SLC24A2: variants seen among roughly 807,000 people sequenced by gnomAD.
SLC24A2 encodes the protein sodium/potassium/calcium exchanger 2.
SLC24A2 carries 36 observed loss-of-function variants against 62.0 expected under a neutral mutation model. The observed-to-expected ratio is 0.58, with a 90% CI of 0.44 to 0.77. SLC24A2 has a LOEUF of 0.77. SLC24A2 is among the 30% of genes least tolerant of loss of function. The pLI is 0.00. For missense variants in SLC24A2, 846 were observed against 817.9 expected (o/e 1.03, Z -0.42); for synonymous variants, 358 against 294.0 (o/e 1.22, Z -2.23).
chr9:19,942,860 T>C, the SLC24A2 span, among the ~76,000 whole-genome samples: 1 of 152,294 alleles, frequency 6.6e-6, no homozygotes, highest in Non-Finnish European at 1.5e-5. Context: ...CAGGCGCCGA[T>C]GAGCCAACAA....
At chr9:20,178,591 G>T in the SLC24A2 span, among the ~76,000 whole-genome samples, 1 of 151,988 alleles carries the variant, frequency 6.6e-6, no homozygotes, top group Non-Finnish European at 1.5e-5. Flanking sequence ...CTTTTCTGCT[G>T]CCATCCTTTG....
the SLC24A2 span, among the ~76,000 whole-genome samples, chr9:20,265,289 A>T: frequency 6.6e-6 from 1 of 152,224 alleles, no homozygotes; most frequent in Non-Finnish European, 1.5e-5. Flanking sequence ...GTTGACTGTC[A>T]TAAAAGGGAG....
At chr9:19,867,152 GC>G in the SLC24A2 span, among the ~76,000 whole-genome samples, 2 of 152,006 alleles carry the variant, frequency 1.3e-5, no homozygotes, top group African/African-American at 4.8e-5. Context: ...TGCATTGCAT[GC>G]CTGTATCAAA....
the SLC24A2 span, among the ~76,000 whole-genome samples, chr9:20,161,941 A>G: frequency 2.6e-5 from 4 of 151,782 alleles, no homozygotes; most frequent in Non-Finnish European, 4.4e-5. Context: ...ATGCGATTAC[A>G]TACAACAAAA....
the SLC24A2 span, among the ~76,000 whole-genome samples, chr9:19,807,992 T>C: frequency 1.3e-5 from 2 of 152,230 alleles, no homozygotes; most frequent in African/African-American, 4.8e-5. Flanking sequence ...AGAAGACTTA[T>C]AGAGCAAATT....
At chr9:20,279,873 TG>T in the SLC24A2 span, among the ~76,000 whole-genome samples, 1 of 152,326 alleles carries the variant, frequency 6.6e-6, no homozygotes, top group South Asian at 2.1e-4. Context: ...ACACTCTCAT[TG>T]TTATCGATGA....
At chr9:20,301,040 G>A in the SLC24A2 span, among the ~76,000 whole-genome samples, 4 of 152,172 alleles carry the variant, frequency 2.6e-5, no homozygotes, top group African/African-American at 7.2e-5. Context: ...GTGATTAGAT[G>A]AGGGGATTAA....
the SLC24A2 span, among the ~76,000 whole-genome samples, chr9:20,139,493 C>T: frequency 6.6e-6 from 1 of 152,184 alleles, no homozygotes; most frequent in South Asian, 2.1e-4. Context: ...TGACTAGCTC[C>T]CTCCTGGGCC....
intron 6 of SLC24A2, among the ~76,000 whole-genome samples, chr9:19,576,507 T>G: frequency 6.6e-6 from 1 of 152,160 alleles, no homozygotes; most frequent in Admixed American, 6.5e-5. Context: ...TATAAAAATC[T>G]GGTTACCAGT....
chr9:19,571,408 T>TTTTCTTAAG (rs1835833211), intron 7 of SLC24A2, among the ~76,000 whole-genome samples: 1 of 152,216 alleles, frequency 6.6e-6, no homozygotes, highest in African/African-American at 2.4e-5. Flanking sequence ...AGCATTTTTT[T>TTTTCTTAAG]TTTCTTAAGA....
intron 7 of SLC24A2, among the ~76,000 whole-genome samples, chr9:19,560,077 G>C (rs924249094): frequency 5.9e-5 from 9 of 152,138 alleles, no homozygotes; most frequent in African/African-American, 1.7e-4. Context: ...CACTTCCAAA[G>C]CAAACCCCGA....
At position 19,710,367 on chromosome 9, in the gene SLC24A2, C is replaced by T. The variant is rs78613327; in HGVS notation, c.930+75570G>A. On this transcript the variant is annotated intron_variant, in intron 2 of 10. Coordinates refer to ENST00000341998, the MANE Select transcript of SLC24A2 (RefSeq NM_020344.4). ...CAAGTGCCATGACAAGGAGAGGGCC[C>T]GGTATCACAGGGGCAAATAAGAGGA... 4.9e-3 allele frequency among the ~76,000 whole-genome samples: 740 copies of T among 152,118 alleles called. 5 individuals carry two copies. Among genetic ancestry groups the T allele is most frequent in the African/African-American group, 0.017 (696 of 41,490 alleles).
At chr9:19,713,044 CA>C (rs1307446220) in intron 2 of SLC24A2, among the ~76,000 whole-genome samples, 1 of 152,164 alleles carries the variant, frequency 6.6e-6, no homozygotes, top group Non-Finnish European at 1.5e-5. Context: ...GAATCTTTTT[CA>C]AAACCCTACA....
At chr9:20,303,107 CAT>C in the SLC24A2 span, among the ~76,000 whole-genome samples, 1 of 151,550 alleles carries the variant, frequency 6.6e-6, no homozygotes, top group Non-Finnish European at 1.5e-5. Flanking sequence ...TACTAAGATA[CAT>C]AGATATATCT....
chr9:20,274,844 A>G, the SLC24A2 span, among the ~76,000 whole-genome samples: 1 of 151,928 alleles, frequency 6.6e-6, no homozygotes, highest in East Asian at 1.9e-4. Context: ...TGGGATGAGC[A>G]TGCCACGGTG....
upstream of SLC24A2, among the ~76,000 whole-genome samples, chr9:19,790,192 T>G (rs1249263784): frequency 6.6e-6 from 1 of 152,136 alleles, no homozygotes; most frequent in South Asian, 2.1e-4. Flanking sequence ...AGCCTCAGAC[T>G]CCCAAGTGCT....
the SLC24A2 span, chr9:19,928,466 G>A: frequency 2.0e-5 from 3 of 152,332 alleles, no homozygotes; most frequent in East Asian, 3.9e-4. Context: ...TCATAGCTGA[G>A]TGACCTTGAG....
At chr9:20,215,421 A>G in the SLC24A2 span, among the ~76,000 whole-genome samples, 1 of 152,212 alleles carries the variant, frequency 6.6e-6, no homozygotes, top group Non-Finnish European at 1.5e-5. Flanking sequence ...GTAGAATGAG[A>G]AGACTCACAA....
chr9:20,040,193 C>T, the SLC24A2 span, among the ~76,000 whole-genome samples: 5 of 152,052 alleles, frequency 3.3e-5, no homozygotes, highest in South Asian at 2.1e-4. Flanking sequence ...AAGTCAAGAG[C>T]GATGGAACGA....
Sources: allele counts gnomAD v4.1 joint callset (sites outside exome capture counted in the v4.1 genomes callset), GRCh38; gene constraint gnomAD v4.1.1; transcripts MANE v1.5; gene names NCBI Gene and HGNC (gene_info 2026-07-23, HGNC 2026-07-21).